The following SULT1E1 variants were observed in gnomAD, a reference collection of about 807,000 sequenced individuals.
SULT1E1 encodes the protein sulfotransferase 1E1.
Under a neutral mutation model 33.6 loss-of-function variants are expected in SULT1E1, and 36 were observed. The ratio of observed to expected loss-of-function variants is 1.07; its 90% confidence interval spans 0.82 to 1.41. The LOEUF is 1.41. Ranked by LOEUF, SULT1E1 falls within the 40% of genes most tolerant of loss-of-function variation. The pLI is 0.00. For missense variants in SULT1E1, 371 were observed against 345.7 expected, an observed-to-expected ratio of 1.07 and a Z score of -0.58; for synonymous variants, 121 against 111.7, an observed-to-expected ratio of 1.08 and a Z score of -0.53.
the SULT1E1 span, among the ~76,000 whole-genome samples, chr4:69,821,955 A>G: frequency 2.0e-5 from 3 of 152,230 alleles, no homozygotes; most frequent in Admixed American, 2.0e-4. Context: ...TATAGTTGTA[A>G]TAGTTAGGTT....
chr4:69,855,332 G>T lies in SULT1E1; in HGVS notation c.240C>A (p.Phe80Leu). The T allele has an allele frequency of 1.2e-6, 2 of 1,612,694 alleles. No homozygotes were observed. The highest frequency in any genetic ancestry group is 1.7e-6 in the Non-Finnish European group (2 of 1,179,274). ...TGAGGTTTTCTTTTCTGCATTCCAG[G>T]AAAGGTATTCGATTAAAAATTACAT... The part of the protein sequence containing the change: ...KEDVIFNRIP[F>L]LECRKENLMN... Residue 80 changes from phenylalanine to leucine, a missense_variant, in exon 3 of 8, where the codon TTC (phenylalanine) becomes TTA (leucine). Transcript: ENST00000226444.
chr4:69,858,054 T>A (rs1721284444), intron 1 of SULT1E1, among the ~76,000 whole-genome samples: 1 of 152,164 alleles, frequency 6.6e-6, no homozygotes, highest in Non-Finnish European at 1.5e-5. Context: ...ATTATGTATA[T>A]GTCAAATAAC....
At chr4:69,842,622 A>G (rs1720903668) in intron 7 of SULT1E1, among the ~76,000 whole-genome samples, 1 of 152,052 alleles carries the variant, frequency 6.6e-6, no homozygotes, top group South Asian at 2.1e-4. Context: ...AACACCAGGT[A>G]TCTACACATA....
the SULT1E1 span, among the ~76,000 whole-genome samples, chr4:69,833,102 T>A: frequency 6.6e-6 from 1 of 152,298 alleles, no homozygotes; most frequent in Admixed American, 6.5e-5. Flanking sequence ...ATATCCTGCC[T>A]CACTATATGT....
chr4:69,846,393 T>C (rs1720978404), intron 6 of SULT1E1, among the ~76,000 whole-genome samples: 1 of 150,862 alleles, frequency 6.6e-6, no homozygotes, highest in Non-Finnish European at 1.5e-5. Context: ...CAAACTTAGG[T>C]ATGAATCTCT....
chr4:69,840,357 T>C (rs1183832282), downstream of SULT1E1, among the ~76,000 whole-genome samples: 1 of 152,154 alleles, frequency 6.6e-6, no homozygotes, highest in Admixed American at 6.5e-5. Context: ...AGATAAGCAT[T>C]CTACTGAAGA....
Position 69,841,864 on chromosome 4 carries a change from C to CA in SULT1E1, c.*129dup. ...TCAAAAAAAAAAAAAAAAAGTTAAA[C>CA]AAAAATTTAAAAAGAAAATGTCAAC... is the stretch of plus-strand genomic sequence containing the variant. On this transcript the variant is annotated 3_prime_UTR_variant, in exon 8 of 8. Coordinates refer to ENST00000226444, the MANE Select transcript of SULT1E1 (RefSeq NM_005420.3). 1 of 393,448 alleles carries CA rather than the reference C, an allele frequency of 2.5e-6. No homozygotes were observed. 24.4% of individuals were successfully genotyped at this position (393,448 alleles called of 1,614,324 possible).
chr4:69,854,055 A>G (rs1365699341), intron 4 of SULT1E1, among the ~76,000 whole-genome samples, 162 bp downstream of exon 4: 1 of 152,184 alleles, frequency 6.6e-6, no homozygotes, highest in Non-Finnish European at 1.5e-5. Flanking sequence ...AGTTGGAATT[A>G]AAATATAGAC....
intron 4 of SULT1E1, among the ~76,000 whole-genome samples, chr4:69,851,219 T>A (rs182809904): frequency 2.0e-5 from 3 of 152,234 alleles, no homozygotes; most frequent in Admixed American, 2.0e-4. Context: ...TTTTGCAATC[T>A]ACTTATCTGA....
the SULT1E1 span, among the ~76,000 whole-genome samples, chr4:69,823,410 G>C: frequency 6.6e-6 from 1 of 152,084 alleles, no homozygotes; most frequent in Non-Finnish European, 1.5e-5. Flanking sequence ...GTGTAGCTTA[G>C]GGTCTCCGAG....
At chr4:69,842,418 C>G (rs759412663) in intron 7 of SULT1E1, among the ~76,000 whole-genome samples, 2 of 152,210 alleles carry the variant, frequency 1.3e-5, no homozygotes, top group Non-Finnish European at 2.9e-5. Context: ...TACCCACTCT[C>G]AAGGTGTTAA....
At chr4:69,858,528 A>C (rs1177913626) in intron 1 of SULT1E1, among the ~76,000 whole-genome samples, 1 of 152,046 alleles carries the variant, frequency 6.6e-6, no homozygotes, top group African/African-American at 2.4e-5. Flanking sequence ...GCTTCCCAAC[A>C]CATTTTGTCT....
At position 69,842,103 on chromosome 4, in the gene SULT1E1, ATTCCTGT is replaced by A; in HGVS notation, c.773-4_775del. On this transcript the variant is annotated splice_acceptor_variant and splice_polypyrimidine_tract_variant and coding_sequence_variant and intron_variant, in exon 8 of 8. Transcript: ENST00000226444. LOFTEE classifies it high-confidence loss of function. ...AAAGTGATTTTTCCAGTCTCCTGTA[ATTCCTGT>A]AACAAAAAAGAAAGCTCAATAAATA... 1 of 1,568,542 alleles carries A rather than the reference ATTCCTGT, an allele frequency of 6.4e-7. No homozygotes were observed. Among genetic ancestry groups the A allele is most frequent in the African/African-American group, 1.4e-5 (1 of 73,554 alleles).
chr4:69,834,584 C>G, the SULT1E1 span, among the ~76,000 whole-genome samples: 1 of 152,112 alleles, frequency 6.6e-6, no homozygotes, highest in Non-Finnish European at 1.5e-5. Context: ...ATGGTCCACT[C>G]TTAGGCCAGA....
chr4:69,835,302 A>G, the SULT1E1 span, among the ~76,000 whole-genome samples: 1 of 152,180 alleles, frequency 6.6e-6, no homozygotes, highest in Admixed American at 6.5e-5. Context: ...ATTAGAGTTG[A>G]TTGTTTAATT....
At chr4:69,822,873 A>G in the SULT1E1 span, among the ~76,000 whole-genome samples, 1 of 152,026 alleles carries the variant, frequency 6.6e-6, no homozygotes, top group Non-Finnish European at 1.5e-5. Flanking sequence ...AAATAAAGAA[A>G]AAAGTGAAAA....
downstream of SULT1E1, among the ~76,000 whole-genome samples, chr4:69,838,251 A>C (rs1720825384): frequency 6.6e-6 from 1 of 151,484 alleles, no homozygotes; most frequent in Non-Finnish European, 1.5e-5. Context: ...AATTTTCTCC[A>C]TTGTTTTCCT....
chr4:69,825,244 G>A, the SULT1E1 span, among the ~76,000 whole-genome samples: 103,835 of 151,858 alleles, frequency 0.68, 39,624 homozygotes, highest in Non-Finnish European at 0.85. Flanking sequence ...GCAAGACCAC[G>A]AACCCACCAA....
At chr4:69,832,018 T>A in the SULT1E1 span, among the ~76,000 whole-genome samples, 492 of 152,330 alleles carry the variant, frequency 3.2e-3, 4 homozygotes, top group African/African-American at 0.012. Context: ...ATAAGTTTCA[T>A]CTGAATTGCA....
Sources: allele counts gnomAD v4.1 joint callset (sites outside exome capture counted in the v4.1 genomes callset), GRCh38; gene constraint gnomAD v4.1.1; transcripts MANE v1.5; gene names NCBI Gene and HGNC (gene_info 2026-07-23, HGNC 2026-07-21).